The following SOX6 variants were observed in gnomAD, a reference collection of about 807,000 sequenced individuals.
SOX6 encodes SRY-box transcription factor 6.
A neutral mutation model predicts 97.8 loss-of-function variants in SOX6; 11 were observed. The ratio of observed to expected loss-of-function variants is 0.11; its 90% CI spans 0.07 to 0.19. The LOEUF (loss-of-function observed/expected upper bound fraction) is 0.19, where lower values mean the gene tolerates loss of function less well. Among genes scored for constraint, SOX6 ranks in the 10% least tolerant of loss-of-function variants. The probability of loss-of-function intolerance (pLI) is 1.00; values close to 1 mark genes in which losing one functional copy is unlikely to be tolerated. For missense variants in SOX6, 810 were observed against 1,039.5 expected (o/e 0.78, Z 3.04); for synonymous variants, 360 against 371.4 (o/e 0.97, Z 0.35).
intron 4 of SOX6, among the ~76,000 whole-genome samples, chr11:16,526,657 T>C (rs1861170952): frequency 6.6e-6 from 1 of 151,624 alleles, no homozygotes; most frequent in Admixed American, 6.6e-5. Context: ...AATAAATAAA[T>C]AAAGTAAATC....
chr11:16,537,007 G>C (rs1163050657), intron 4 of SOX6, among the ~76,000 whole-genome samples: 1 of 152,226 alleles, frequency 6.6e-6, no homozygotes, highest in Non-Finnish European at 1.5e-5. Flanking sequence ...CCTCAAGTGA[G>C]TCACTGACCC....
rs187802052 is a variant in SOX6, at chr11:16,144,144, A to G, written c.778-32221T>C. The stretch of plus-strand genomic sequence containing the variant: ...AATGTAAAAGAACAGAAATTATAAT[A>G]AACTGTCTCTCAGACCACAGTGCAA... On this transcript the variant is annotated intron_variant, in intron 6 of 15. Coordinates refer to ENST00000683767, the MANE Select transcript of SOX6 (RefSeq NM_001367873.1). Among the ~76,000 whole-genome samples the G allele has an allele frequency of 7.9e-5, 12 of 152,362 alleles. No homozygotes were observed. In the East Asian group the frequency reaches 2.3e-3, roughly 29 times the overall value.
chr11:16,247,811 C>T (rs572488883), intron 3 of SOX6, among the ~76,000 whole-genome samples: 1 of 152,242 alleles, frequency 6.6e-6, no homozygotes, highest in South Asian at 2.1e-4. Context: ...TTCATGTCCT[C>T]ACATTTCAAA....
intron 6 of SOX6, among the ~76,000 whole-genome samples, chr11:16,163,284 T>C (rs1224854280): frequency 6.6e-6 from 1 of 152,162 alleles, no homozygotes; most frequent in Non-Finnish European, 1.5e-5. Context: ...CTTCTTACTG[T>C]GGTTGGTCTG....
intron 2 of SOX6, among the ~76,000 whole-genome samples, chr11:16,724,343 T>A (rs938736687): frequency 6.6e-6 from 1 of 152,248 alleles, no homozygotes; most frequent in African/African-American, 2.4e-5. Flanking sequence ...TTTCCTGATC[T>A]GTAAAACAGG....
intron 3 of SOX6, among the ~76,000 whole-genome samples, chr11:16,310,610 A>G (rs1224494770): frequency 6.6e-6 from 1 of 152,082 alleles, no homozygotes; most frequent in Non-Finnish European, 1.5e-5. Context: ...CTGAATACCC[A>G]ATTGCTTCTG....
chr11:16,341,112 A>C lies in SOX6; in HGVS notation c.137T>G (p.Ile46Arg). The change falls in exon 2 of 16, where the codon ATA becomes AGA. Residue 46 changes from isoleucine (I) to arginine (R), a missense_variant. Ile to Arg is a moderately conservative substitution (Grantham distance 97). Coordinates refer to ENST00000683767, the MANE Select transcript of SOX6 (RefSeq NM_001367873.1). ...CTCAGAGTGAGGTTTGTTGTGCATT[A>C]TGGGGTGCAGAGGCAGATGGGAGGC... ...HVASHLPLHP[I>R]MHNKPHSEEL... 1 of 1,613,548 alleles carries C rather than the reference A, an allele frequency of 6.2e-7. No individual in the cohort carries two copies. The highest frequency in any genetic ancestry group is 8.5e-7 in the Non-Finnish European group (1 of 1,179,580).
intron 3 of SOX6, among the ~76,000 whole-genome samples, chr11:16,260,578 G>A (rs1484751029): frequency 6.6e-6 from 1 of 152,096 alleles, no homozygotes; most frequent in African/African-American, 2.4e-5. Flanking sequence ...ATCTCAAGGT[G>A]TCTGAAAAAT....
In SOX6 at chr11:15,972,022, C is replaced by G. The variant is rs59410528; in HGVS notation, c.*787G>C. On this transcript the variant is annotated 3_prime_UTR_variant, in exon 16 of 16. Coordinates refer to ENST00000683767, the MANE Select transcript of SOX6 (RefSeq NM_001367873.1). ...TGTGTATGTCATACCACATCACGCA[C>G]TGATGGCACGTCAACAGGCAAACAC... is the stretch of plus-strand genomic sequence containing the variant. 9,588 of 152,634 alleles carry G rather than the reference C, an allele frequency of 0.063. 688 individuals carry two copies. The highest frequency in any genetic ancestry group is 0.37 in the East Asian group (1,883 of 5,136). 9.5% of individuals were successfully genotyped at this position (152,634 alleles called of 1,614,324 possible).
At chr11:16,149,767 A>AG (rs374596058) in intron 6 of SOX6, among the ~76,000 whole-genome samples, 449 of 152,306 alleles carry the variant, frequency 2.9e-3, no homozygotes, top group Non-Finnish European at 6.0e-3. Context: ...CAACAGCTGG[A>AG]GAAGTGAGAT....
intron 4 of SOX6, among the ~76,000 whole-genome samples, chr11:16,588,591 T>G (rs1230525677): frequency 1.3e-5 from 2 of 152,162 alleles, no homozygotes; most frequent in African/African-American, 4.8e-5. Flanking sequence ...GTAGTAATTC[T>G]CCACTTGACC....
chr11:16,151,407 T>C (rs2134056389), intron 6 of SOX6, among the ~76,000 whole-genome samples: 1 of 152,306 alleles, frequency 6.6e-6, no homozygotes, highest in Middle Eastern at 3.4e-3. Context: ...TTGGACACTA[T>C]TAAAATTCAT....
At chr11:16,097,495 G>T in intron 8 of SOX6, 114 bp downstream of exon 8, 2 of 870,434 alleles carry the variant, frequency 2.3e-6, no homozygotes, top group Non-Finnish European at 3.8e-6. Flanking sequence ...AATCCTTCTG[G>T]GCTATGCTTA....
intron 9 of SOX6, among the ~76,000 whole-genome samples, chr11:16,084,750 A>C (rs572526761): frequency 6.6e-6 from 1 of 152,328 alleles, no homozygotes; most frequent in Non-Finnish European, 1.5e-5. Context: ...ATGTTGTTTC[A>C]ATAAATGGCT....
intron 3 of SOX6, among the ~76,000 whole-genome samples, chr11:16,250,001 A>C (rs1807611737): frequency 6.6e-6 from 1 of 152,172 alleles, no homozygotes; most frequent in Admixed American, 6.5e-5. Context: ...TTCCCCACTA[A>C]GTTTCTATAA....
At chr11:16,513,407 C>A (rs4412728) in intron 4 of SOX6, among the ~76,000 whole-genome samples, 43,088 of 151,780 alleles carry the variant, frequency 0.28, 6,376 homozygotes, top group Non-Finnish European at 0.32. Context: ...CCAAGGCGGG[C>A]GGATCACTTG....
In SOX6 at chr11:16,549,175, A is replaced by C. The variant is rs561222410; in HGVS notation, n.609+62906T>G. Among the ~76,000 whole-genome samples the C allele has an allele frequency of 1.4e-3, 213 of 152,184 alleles. 1 individual carries two copies. Among genetic ancestry groups the C allele is most frequent in the African/African-American group, 5.1e-3 (211 of 41,520 alleles). On this transcript the variant is annotated intron_variant and non_coding_transcript_variant, in intron 4 of 5. Coordinates refer to the SOX6 transcript ENST00000524520. ...AGAAGTCTACCAGAATAACTAAAAA[A>C]AATTTTTTTTTGAGGCGGCATTTCA...
chr11:16,644,076 T>G (rs1035123392), intron 3 of SOX6, among the ~76,000 whole-genome samples: 1 of 151,984 alleles, frequency 6.6e-6, no homozygotes, highest in African/African-American at 2.4e-5. Context: ...GGTCTCATTC[T>G]GTCACCCAGG....
At chr11:16,041,581 T>G (rs898359635) in intron 12 of SOX6, among the ~76,000 whole-genome samples, 5 of 152,146 alleles carry the variant, frequency 3.3e-5, no homozygotes, top group Admixed American at 6.5e-5. Context: ...CTGAAAAATA[T>G]CATTTGGGTA....
Sources: gnomAD v4.1 joint callset for allele counts (sites outside exome capture counted in the v4.1 genomes callset) on GRCh38, gnomAD v4.1.1 for gene constraint, MANE v1.5 for transcripts, NCBI Gene and HGNC (gene_info 2026-07-23, HGNC 2026-07-21) for gene names.